The following PTPRD variants were observed in gnomAD, a reference collection of about 807,000 sequenced individuals.
The protein encoded by PTPRD is receptor-type tyrosine-protein phosphatase delta.
PTPRD carries 34 observed loss-of-function variants against 214.5 expected under a neutral mutation model. That is an observed-to-expected ratio of 0.16 (90% CI 0.12 to 0.21). The LOEUF (loss-of-function observed/expected upper bound fraction) is 0.21, where lower values mean the gene tolerates loss of function less well. Ranked by LOEUF, PTPRD falls within the 10% of genes least tolerant of loss-of-function variation. The pLI is 1.00. For synonymous variants in PTPRD, 1,128 were observed against 845.7 expected (o/e 1.33, Z -5.79); for missense variants, 2,545 against 2,398.7 (o/e 1.06, Z -1.27).
At chr9:8,336,666 G>C (rs1042903695) in intron 43 of PTPRD, among the ~76,000 whole-genome samples, 1 of 148,438 alleles carries the variant, frequency 6.7e-6, no homozygotes, top group Admixed American at 6.7e-5. Context: ...GAGTGAACAG[G>C]CAACCTACAG....
chr9:9,456,932 A>G (rs2093091100), intron 8 of PTPRD, among the ~76,000 whole-genome samples: 1 of 151,962 alleles, frequency 6.6e-6, no homozygotes, highest in Admixed American at 6.6e-5. Flanking sequence ...CAAAGTAAAG[A>G]GTAGTGATAA....
At chr9:9,190,458 G>A (rs1033498578) in intron 9 of PTPRD, among the ~76,000 whole-genome samples, 2 of 151,966 alleles carry the variant, frequency 1.3e-5, no homozygotes, top group Non-Finnish European at 1.5e-5. Flanking sequence ...TCTTGCAGCT[G>A]CCATGTAAGA....
At chr9:9,332,505 C>A (rs147934713) in intron 9 of PTPRD, among the ~76,000 whole-genome samples, 1 of 149,382 alleles carries the variant, frequency 6.7e-6, no homozygotes, top group South Asian at 2.1e-4. Flanking sequence ...AAAGTAAATG[C>A]GATAGTCGAG....
chr9:9,491,747 C>T (rs2095909188), intron 8 of PTPRD, among the ~76,000 whole-genome samples: 1 of 151,936 alleles, frequency 6.6e-6, no homozygotes, highest in Non-Finnish European at 1.5e-5. Flanking sequence ...AATAAAACCA[C>T]AACATATCAA....
chr9:9,086,550 G>C (rs1403278819), intron 10 of PTPRD, among the ~76,000 whole-genome samples: 2 of 152,000 alleles, frequency 1.3e-5, no homozygotes, highest in African/African-American at 4.8e-5. Flanking sequence ...CTCAATTCTT[G>C]GCTGCCTTTT....
chr9:8,500,423 G>C (rs943731420), intron 24 of PTPRD, among the ~76,000 whole-genome samples: 2 of 151,502 alleles, frequency 1.3e-5, no homozygotes, highest in South Asian at 2.1e-4. Context: ...AAATGTAAAA[G>C]AAGTGACTAC....
At chr9:9,631,192 CATAAATAA>C (rs140642091) in intron 7 of PTPRD, among the ~76,000 whole-genome samples, 184 of 139,556 alleles carry the variant, frequency 1.3e-3, no homozygotes, top group Middle Eastern at 0.011. Flanking sequence ...GTATCTCATT[CATAAATAA>C]ATAAATAAAT....
At chr9:10,564,866 C>A (rs1475111) in intron 2 of PTPRD, among the ~76,000 whole-genome samples, 98,113 of 151,914 alleles carry the variant, frequency 0.65, 31,977 homozygotes, top group Non-Finnish European at 0.69. Context: ...GGATATAGTC[C>A]TGAGAAAGTT....
intron 2 of PTPRD, among the ~76,000 whole-genome samples, chr9:10,373,634 C>T (rs1466475324): frequency 6.6e-6 from 1 of 152,034 alleles, no homozygotes; most frequent in African/African-American, 2.4e-5. Flanking sequence ...GAGCCTTTTC[C>T]CCAGCTATAG....
chr9:9,210,202 G>C (rs1287800011), intron 9 of PTPRD, among the ~76,000 whole-genome samples: 1 of 152,122 alleles, frequency 6.6e-6, no homozygotes, highest in African/African-American at 2.4e-5. Context: ...CTGCTCACTA[G>C]ATGTGCAGAA....
intron 11 of PTPRD, among the ~76,000 whole-genome samples, chr9:8,810,459 A>C (rs1420029511): frequency 6.6e-6 from 1 of 152,190 alleles, no homozygotes; most frequent in Non-Finnish European, 1.5e-5. Context: ...ATTTTGAAGA[A>C]AGATTCAGAC....
chr9:10,285,605 C>CTATT (rs1555049079), intron 3 of PTPRD, among the ~76,000 whole-genome samples: 9 of 104,068 alleles, frequency 8.6e-5, no homozygotes, highest in African/African-American at 3.0e-4. Context: ...GGGGTCTCAT[C>CTATT]TTTTTTTTTT....
Position 8,486,044 on chromosome 9 carries a change from G to C in PTPRD, c.2773C>G (p.Leu925Val), listed in dbSNP as rs776518551. 3.0e-5 allele frequency: 48 copies of C among 1,614,056 alleles called. No individual in the cohort carries two copies. Among genetic ancestry groups the C allele is most frequent in the Non-Finnish European group, 2.1e-5 (25 of 1,180,028 alleles). Residue 925 changes from leucine (L) to valine (V), a missense_variant, in exon 28 of 46, where the codon CTT (leucine) becomes GTT (valine). Coordinates refer to ENST00000381196, the MANE Select transcript of PTPRD (RefSeq NM_002839.4). Reference protein sequence around the residue: ...EEVPTGFPQNLHSEGTTSTSV... With the variant: ...EEVPTGFPQNVHSEGTTSTSV... ...GTTGAAGTGGTGCCTTCTGAGTGAA[G>C]GTTTTGAGGGAATCCAGTTGGTACT...
chr9:10,071,800 A>T (rs1012166487), intron 3 of PTPRD, among the ~76,000 whole-genome samples: 1 of 151,998 alleles, frequency 6.6e-6, no homozygotes, highest in South Asian at 2.1e-4. Flanking sequence ...GAAAAAAAAC[A>T]GAGATAATCA....
chr9:10,488,798 T>G (rs2099149688), intron 2 of PTPRD, among the ~76,000 whole-genome samples: 1 of 151,830 alleles, frequency 6.6e-6, no homozygotes. Flanking sequence ...GGGCCCAAAG[T>G]CTCTTCAGCC....
chr9:10,413,216 T>C (rs1264647864), intron 2 of PTPRD, among the ~76,000 whole-genome samples: 3 of 151,880 alleles, frequency 2.0e-5, no homozygotes, highest in African/African-American at 7.2e-5. Flanking sequence ...AACCCCACAG[T>C]CTCAACCCAA....
At chr9:10,208,703 T>A (rs150636561) in intron 3 of PTPRD, among the ~76,000 whole-genome samples, 1,721 of 152,296 alleles carry the variant, frequency 0.011, 40 homozygotes, top group African/African-American at 0.04. Flanking sequence ...ATATAAGCTG[T>A]TTGGGAAGGA....
chr9:9,217,318 G>A (rs571946429), intron 9 of PTPRD, among the ~76,000 whole-genome samples: 8 of 152,238 alleles, frequency 5.3e-5, no homozygotes, highest in South Asian at 4.1e-4. Flanking sequence ...AGAAGCCTGC[G>A]TGGCACCTCA....
chr9:8,836,041 T>G (rs1316134701), intron 11 of PTPRD, among the ~76,000 whole-genome samples: 1 of 152,200 alleles, frequency 6.6e-6, no homozygotes, highest in East Asian at 1.9e-4. Context: ...TGCATACATA[T>G]ATACCGGTTT....
Sources: allele counts gnomAD v4.1 joint callset (sites outside exome capture counted in the v4.1 genomes callset), GRCh38; gene constraint gnomAD v4.1.1; transcripts MANE v1.5; gene names NCBI Gene and HGNC (gene_info 2026-07-23, HGNC 2026-07-21).